Variants in ITGA1 observed in about 807,000 individuals in gnomAD.
ITGA1 encodes the protein integrin alpha-1.
In ITGA1, 85 loss-of-function variants were observed where a neutral mutation model predicts 145.9. That is an observed-to-expected ratio of 0.58 (90% CI 0.49 to 0.70). The LOEUF is 0.70. Among genes scored for constraint, ITGA1 ranks in the 30% least tolerant of loss-of-function variants. The probability of loss-of-function intolerance (pLI) is 0.00; values close to 1 mark genes in which losing one functional copy is unlikely to be tolerated. For missense variants in ITGA1, 1,351 were observed against 1,418.7 expected (o/e 0.95, Z 0.77); for synonymous variants, 520 against 495.3 (o/e 1.05, Z -0.66).
chr5:52,865,513 G>T (rs1457849659), intron 5 of ITGA1, among the ~76,000 whole-genome samples, 177 bp from the exon 6 acceptor site: 1 of 152,186 alleles, frequency 6.6e-6, no homozygotes, highest in Non-Finnish European at 1.5e-5. Flanking sequence ...TGAAAGCAAT[G>T]AATATTTTTA....
chr5:52,801,839 A>G (rs1294671750), intron 1 of ITGA1: 3 of 1,579,004 alleles, frequency 1.9e-6, no homozygotes, highest in South Asian at 2.3e-5. Flanking sequence ...GAAGAGGATT[A>G]ATGATTGAAA....
intron 2 of ITGA1, among the ~76,000 whole-genome samples, chr5:52,859,134 A>G (rs1334639906): frequency 6.6e-6 from 1 of 152,190 alleles, no homozygotes; most frequent in African/African-American, 2.4e-5. Flanking sequence ...GTGGTAGTAT[A>G]ATGAACATAG....
rs1485485337 is a variant in ITGA1 at position 52,956,643 on chromosome 5, T to C, written c.*4192T>C. 1 of 152,258 alleles carries C rather than the reference T, an allele frequency of 6.6e-6. No individual in the cohort carries two copies. The highest frequency in any genetic ancestry group is 2.1e-4 in the South Asian group (1 of 4,830). 9.4% of individuals were successfully genotyped at this position (152,258 alleles called of 1,614,324 possible). ...TCTTTAAGACATTTACAAACTGTTA[T>C]GGGACACTATCAGCAACTACGCCTG... On this transcript the variant is annotated 3_prime_UTR_variant, in exon 29 of 29. Transcript: ENST00000282588.
intron 17 of ITGA1, among the ~76,000 whole-genome samples, chr5:52,922,005 A>G (rs1750735133): frequency 6.6e-6 from 1 of 152,222 alleles, no homozygotes; most frequent in South Asian, 2.1e-4. Flanking sequence ...ATAATTTTAC[A>G]TTATAAAATT....
intron 6 of ITGA1, among the ~76,000 whole-genome samples, chr5:52,876,378 A>G (rs1159587580): frequency 2.0e-5 from 3 of 152,174 alleles, no homozygotes; most frequent in African/African-American, 4.8e-5. Flanking sequence ...CGGTTTTGCC[A>G]TTATTTTTAA....
At chr5:52,890,472 T>A (rs925302002) in intron 8 of ITGA1, among the ~76,000 whole-genome samples, 2 of 152,188 alleles carry the variant, frequency 1.3e-5, no homozygotes, top group African/African-American at 4.8e-5. Flanking sequence ...GTGCACGAAG[T>A]GAACAATTTG....
chr5:52,906,095 G>A (rs1052243958), intron 12 of ITGA1, among the ~76,000 whole-genome samples, 187 bp downstream of exon 12: 1 of 152,158 alleles, frequency 6.6e-6, no homozygotes, highest in Non-Finnish European at 1.5e-5. Context: ...TTGGATGGGT[G>A]TGGAGGTAAG....
intron 1 of ITGA1, chr5:52,801,411 A>G: frequency 1.2e-6 from 2 of 1,610,514 alleles, no homozygotes; most frequent in East Asian, 2.2e-5. Flanking sequence ...GATTCTAGGT[A>G]CATGCCTCCT....
chr5:52,789,736 G>A (rs559265097), intron 1 of ITGA1, among the ~76,000 whole-genome samples: 3 of 152,118 alleles, frequency 2.0e-5, no homozygotes, highest in Non-Finnish European at 4.4e-5. Context: ...TTTTTAGATT[G>A]TATTTTGTTG....
At chr5:52,938,510 G>C (rs1751005303) in intron 24 of ITGA1, among the ~76,000 whole-genome samples, 1 of 151,976 alleles carries the variant, frequency 6.6e-6, no homozygotes, top group African/African-American at 2.4e-5. Context: ...GTTTTCCTAA[G>C]GGCAAGGAAA....
intron 21 of ITGA1, 79 bp from the exon 22 acceptor site, chr5:52,931,967 CT>C (rs1262596504): frequency 4.9e-6 from 4 of 819,944 alleles, no homozygotes; most frequent in Non-Finnish European, 8.1e-6. Context: ...CCAGGATAAG[CT>C]TCTCTTTCAA....
intron 1 of ITGA1, among the ~76,000 whole-genome samples, chr5:52,833,941 C>A (rs780262664): frequency 1.3e-5 from 2 of 152,006 alleles, no homozygotes; most frequent in African/African-American, 4.8e-5. Context: ...AATAAGACAC[C>A]TAATGGAAAA....
chr5:52,948,637 A>G (rs1011852527), intron 28 of ITGA1, among the ~76,000 whole-genome samples: 12 of 152,216 alleles, frequency 7.9e-5, no homozygotes, highest in African/African-American at 2.4e-4. Flanking sequence ...CTTCTACTTT[A>G]TAAGGGATCA....
chr5:52,938,901 GT>G (rs1356171277), intron 24 of ITGA1, among the ~76,000 whole-genome samples: 9 of 148,744 alleles, frequency 6.1e-5, no homozygotes, highest in Non-Finnish European at 1.3e-4. Flanking sequence ...TATTTTTGTT[GT>G]TTTTGTTTCC....
At chr5:52,867,400 G>A (rs867694178) in intron 6 of ITGA1, among the ~76,000 whole-genome samples, 92 of 152,168 alleles carry the variant, frequency 6.0e-4, no homozygotes, top group African/African-American at 2.1e-3. Flanking sequence ...AAAATGAAAT[G>A]GGCTTTTACG....
intron 28 of ITGA1, chr5:52,948,700 C>A (rs1209007036): frequency 6.6e-6 from 1 of 152,224 alleles, no homozygotes; most frequent in African/African-American, 2.4e-5. Flanking sequence ...CAAGGCCTGG[C>A]TTATTGGTGT....
At chr5:52,910,585 A>G (rs1031988770) in intron 14 of ITGA1, among the ~76,000 whole-genome samples, 166 bp downstream of exon 14, 13 of 150,200 alleles carry the variant, frequency 8.7e-5, no homozygotes, top group Admixed American at 2.0e-4. Flanking sequence ...TACTATATAT[A>G]TATACACACA....
intron 19 of ITGA1, 151 bp downstream of exon 19, chr5:52,925,638 AG>A: frequency 3.2e-6 from 2 of 616,192 alleles, no homozygotes; most frequent in South Asian, 2.3e-5. Flanking sequence ...GAAAGTATTA[AG>A]CTTTTTAAAA....
At position 52,860,611 on chromosome 5, in the gene ITGA1, A is replaced by G. The variant is rs115831420; in HGVS notation, c.183-836A>G. Reference sequence around the variant, plus strand: ...TAATCTAACACAATCCCAAGTACAAAATCTCATACTATGTAATTAAGTCCT... The same window carrying G: ...TAATCTAACACAATCCCAAGTACAAGATCTCATACTATGTAATTAAGTCCT... On this transcript the variant is annotated intron_variant, in intron 2 of 28. Transcript: ENST00000282588. 9.3e-3 allele frequency among the ~76,000 whole-genome samples: 1,416 copies of G among 152,346 alleles called. 24 individuals are homozygous for G. Among genetic ancestry groups the G allele is most frequent in the African/African-American group, 0.031 (1,283 of 41,582 alleles).
Sources: gnomAD v4.1 joint callset for allele counts (sites outside exome capture counted in the v4.1 genomes callset) on GRCh38, gnomAD v4.1.1 for gene constraint, MANE v1.5 for transcripts, NCBI Gene and HGNC (gene_info 2026-07-23, HGNC 2026-07-21) for gene names.